TRPM7: variants seen among roughly 807,000 people sequenced by gnomAD.
TRPM7 encodes the protein LTRPC ion channel family member 7.
In TRPM7, 134 loss-of-function variants were observed where a neutral mutation model predicts 229.7. The ratio of observed to expected loss-of-function variants is 0.58; its 90% confidence interval spans 0.51 to 0.67. The LOEUF is 0.67. TRPM7 is among the 30% of genes least tolerant of loss of function. The probability of loss-of-function intolerance (pLI) is 0.00; values close to 1 mark genes in which losing one functional copy is unlikely to be tolerated. For missense variants in TRPM7, 1,901 were observed against 2,210.0 expected (o/e 0.86, Z 2.80); for synonymous variants, 699 against 715.2 (o/e 0.98, Z 0.36).
At chr15:50,594,814 A>G (rs934953815) in intron 23 of TRPM7, among the ~76,000 whole-genome samples, 2 of 152,218 alleles carry the variant, frequency 1.3e-5, no homozygotes, top group Non-Finnish European at 2.9e-5. Context: ...GCAGAAAAAA[A>G]TAATTTAAAA....
chr15:50,589,794 G>A (rs1017630809), intron 26 of TRPM7, 138 bp from the exon 27 acceptor site: 1 of 513,484 alleles, frequency 1.9e-6, no homozygotes, highest in South Asian at 3.0e-5. Flanking sequence ...GTCTCCTTTA[G>A]CTCTTTTGAT....
chr15:50,620,065 AC>A (rs1266119676), intron 12 of TRPM7, among the ~76,000 whole-genome samples: 1 of 152,232 alleles, frequency 6.6e-6, no homozygotes, highest in African/African-American at 2.4e-5. Context: ...ATTTAAATTT[AC>A]ATTTCTTTCA....
At chr15:50,673,896 C>T (rs1270571050) in intron 1 of TRPM7, among the ~76,000 whole-genome samples, 1 of 152,068 alleles carries the variant, frequency 6.6e-6, no homozygotes, top group Non-Finnish European at 1.5e-5. Context: ...AGAAGTGTTC[C>T]CTGTTTACCA....
At chr15:50,576,231 A>T (rs2054127371) in intron 31 of TRPM7, among the ~76,000 whole-genome samples, 1 of 152,120 alleles carries the variant, frequency 6.6e-6, no homozygotes, top group African/African-American at 2.4e-5. Context: ...TTTGATTCTG[A>T]TGTTTGGGGG....
chr15:50,624,922 A>C (rs981091435), intron 11 of TRPM7, among the ~76,000 whole-genome samples: 2 of 152,222 alleles, frequency 1.3e-5, no homozygotes, highest in Non-Finnish European at 2.9e-5. Flanking sequence ...AGTCTTCAGA[A>C]CTTTAAAAGA....
rs1236116775 is a variant in TRPM7, at chr15:50,642,362, T to C, written c.535+978A>G. 7.9e-5 allele frequency among the ~76,000 whole-genome samples: 12 copies of C among 152,316 alleles called. No homozygotes were observed. In the East Asian group the frequency reaches 2.1e-3, roughly 27 times the overall value. On this transcript the variant is annotated intron_variant, in intron 5 of 38. Transcript: ENST00000646667. ...CACCTCTGCTGTTACAGCACAAAAATAGCCATAGACAATATATAAACTGAT... is the reference window on the plus strand; with the variant it reads ...CACCTCTGCTGTTACAGCACAAAAACAGCCATAGACAATATATAAACTGAT...
intron 11 of TRPM7, 101 bp downstream of exon 11, chr15:50,628,048 G>T: frequency 1.2e-6 from 1 of 804,358 alleles, no homozygotes; most frequent in Non-Finnish European, 2.0e-6. Flanking sequence ...TTGAACTATT[G>T]GCAGAAAGGT....
intron 12 of TRPM7, 87 bp from the exon 13 acceptor site, chr15:50,619,885 A>G (rs1322015124): frequency 8.9e-7 from 1 of 1,124,992 alleles, no homozygotes; most frequent in African/African-American, 1.6e-5. Context: ...CTTCTTATAC[A>G]AATTACATTG....
chr15:50,666,294 C>G (rs2061878445), intron 1 of TRPM7, among the ~76,000 whole-genome samples: 1 of 151,266 alleles, frequency 6.6e-6, no homozygotes, highest in African/African-American at 2.4e-5. Flanking sequence ...AAAAATTAGC[C>G]AAGCATGTGA....
At position 50,604,576 on chromosome 15, in the gene TRPM7, G is replaced by GAA. The variant is rs376885628; in HGVS notation, c.2988+288_2988+289dup. On this transcript the variant is annotated intron_variant, in intron 21 of 38. Transcript: ENST00000646667. ...ACAGAGCGAAACTCTGTCTCAAAAA[G>GAA]AAAAAAAAAAAAAAAAAGCCTGGAT... The GAA allele has an allele frequency of 1.6e-3, 123 of 77,356 alleles. 1 individual carries two copies. The highest frequency in any genetic ancestry group is 5.1e-3 in the Middle Eastern group (1 of 198). 4.8% of individuals were successfully genotyped at this position (77,356 alleles called of 1,614,324 possible).
At position 50,634,469 on chromosome 15, in the gene TRPM7, C is replaced by A. The variant is rs2060830316; in HGVS notation, c.920G>T (p.Ser307Ile). 1 of 1,584,730 alleles carries A rather than the reference C, an allele frequency of 6.3e-7. No homozygotes were observed. Among genetic ancestry groups the A allele is most frequent in the Admixed American group, 1.8e-5 (1 of 55,082 alleles). ...ACACACAACTACTGGAACAGGGGGG[C>A]TTTCCTGAAGGTATTCAAGAACTGT... ...ILTVLEYLQE[S>I]PPVPVVVCEG... The change falls in exon 8 of 39, where the codon AGC becomes ATC. Residue 307 changes from serine to isoleucine, a missense_variant. Ser to Ile is a moderately radical substitution (Grantham distance 142). This residue lies in a region of TRPM7 where 794 missense variants were observed against 881.9 expected (regional missense o/e 0.90). Transcript: ENST00000646667.
At chr15:50,654,624 C>T (rs1250050188) in intron 3 of TRPM7, among the ~76,000 whole-genome samples, 1 of 151,302 alleles carries the variant, frequency 6.6e-6, no homozygotes, top group East Asian at 1.9e-4. Flanking sequence ...GCACATGGTG[C>T]ATCTCAGCAG....
Position 50,574,547 on chromosome 15 carries a change from G to A in TRPM7, c.5103-68C>T. 3 of 1,544,392 alleles carry A rather than the reference G, an allele frequency of 1.9e-6. No individual in the cohort carries two copies. In the South Asian group the frequency reaches 3.5e-5, roughly 18 times the overall value. On this transcript the variant is annotated intron_variant, in intron 35 of 38. Transcript: ENST00000646667. ...TAAAATTCTAATTGATCTACAAAATGGATAATTAAATATTCAACATCAAAA... is the reference window on the plus strand; with the variant it reads ...TAAAATTCTAATTGATCTACAAAATAGATAATTAAATATTCAACATCAAAA...
intron 27 of TRPM7, among the ~76,000 whole-genome samples, chr15:50,587,426 A>C (rs1235967438): frequency 4.2e-5 from 1 of 24,058 alleles, no homozygotes; most frequent in Non-Finnish European, 8.5e-5. Context: ...TTTTTTTTTG[A>C]GATGGAGTCT....
At chr15:50,582,804 A>G (rs2054485286) in intron 29 of TRPM7, among the ~76,000 whole-genome samples, 1 of 152,206 alleles carries the variant, frequency 6.6e-6, no homozygotes, top group South Asian at 2.1e-4. Context: ...GGGAATTTGC[A>G]AAATCAATCA....
intron 6 of TRPM7, among the ~76,000 whole-genome samples, chr15:50,638,337 C>T (rs1364120485): frequency 4.3e-4 from 52 of 120,920 alleles, no homozygotes; most frequent in African/African-American, 1.6e-3. Context: ...CCAGCCTGGG[C>T]GACAGAGCGA....
intron 22 of TRPM7, among the ~76,000 whole-genome samples, chr15:50,597,627 A>C (rs2059667383): frequency 6.6e-6 from 1 of 152,178 alleles, no homozygotes; most frequent in Non-Finnish European, 1.5e-5. Context: ...AAAATAGCAG[A>C]CAGCCAGGCG....
chr15:50,631,322 T>C (rs988183450), intron 10 of TRPM7, 95 bp downstream of exon 10: 2 of 555,772 alleles, frequency 3.6e-6, no homozygotes, highest in African/African-American at 2.0e-5. Context: ...TAAAAGGTTT[T>C]ATATTTTATA....
chr15:50,578,630 C>T lies in TRPM7; in HGVS notation c.4618+9G>A. The T allele has an allele frequency of 6.2e-7, 1 of 1,610,070 alleles. No homozygotes were observed. ...TTTTTTTCACGTTCAATCTACCACA[C>T]AGACTCACCATTTAATGTTCCTTCT... is the stretch of plus-strand genomic sequence containing the variant. On this transcript the variant is annotated intron_variant, in intron 31 of 38. Coordinates refer to ENST00000646667, the MANE Select transcript of TRPM7 (RefSeq NM_017672.6).
Sources: gnomAD v4.1 joint callset for allele counts (sites outside exome capture counted in the v4.1 genomes callset) on GRCh38, gnomAD v4.1.1 for gene constraint, gnomAD v4.1.1 regional missense constraint, MANE v1.5 for transcripts, NCBI Gene and HGNC (gene_info 2026-07-23, HGNC 2026-07-21) for gene names.